The following KCNIP4 variants were observed in gnomAD, a reference collection of about 807,000 sequenced individuals.
KCNIP4 encodes the protein potassium voltage-gated channel interacting protein 4.
A neutral mutation model predicts 34.0 loss-of-function variants in KCNIP4; 12 were observed. The observed-to-expected ratio is 0.35, with a 90% CI of 0.23 to 0.57. The LOEUF (loss-of-function observed/expected upper bound fraction) is 0.57. KCNIP4 is among the 20% of genes least tolerant of loss of function. The pLI, the probability that KCNIP4 is intolerant of heterozygous loss-of-function variation, is 0.83. For missense variants in KCNIP4, 238 were observed against 311.7 expected, an observed-to-expected ratio of 0.76 and a Z score of 1.78; for synonymous variants, 124 against 102.2, an observed-to-expected ratio of 1.21 and a Z score of -1.29.
chr4:21,483,657 G>A (rs1731653060), intron 1 of KCNIP4, among the ~76,000 whole-genome samples: 2 of 152,046 alleles, frequency 1.3e-5, no homozygotes, highest in South Asian at 4.1e-4. Context: ...AGGTGTGGTG[G>A]CACGCACCTG....
At chr4:21,582,875 A>C (rs559143094) in intron 1 of KCNIP4, among the ~76,000 whole-genome samples, 18 of 152,018 alleles carry the variant, frequency 1.2e-4, no homozygotes, top group African/African-American at 2.2e-4. Context: ...TTTTGGGAAG[A>C]ATGAGAAGAA....
chr4:21,557,745 T>G (rs1480159447), intron 1 of KCNIP4, among the ~76,000 whole-genome samples: 1 of 152,128 alleles, frequency 6.6e-6, no homozygotes, highest in East Asian at 1.9e-4. Context: ...TTTTCCAATT[T>G]TAGACCCAAA....
intron 3 of KCNIP4, among the ~76,000 whole-genome samples, chr4:20,795,142 C>G (rs753293723): frequency 3.9e-5 from 6 of 152,098 alleles, no homozygotes; most frequent in Non-Finnish European, 8.8e-5. Context: ...TGATAATGTA[C>G]ACATGCTGAG....
intron 1 of KCNIP4, among the ~76,000 whole-genome samples, chr4:21,716,853 G>A (rs1323430262): frequency 6.6e-6 from 1 of 152,082 alleles, no homozygotes; most frequent in East Asian, 1.9e-4. Flanking sequence ...TGGGGTGACT[G>A]ACTATTAAGA....
intron 1 of KCNIP4, chr4:21,850,182 T>C (rs1350290616): frequency 2.0e-5 from 3 of 152,022 alleles, no homozygotes; most frequent in Non-Finnish European, 4.4e-5. Flanking sequence ...GTTTAGGACA[T>C]ATAAAATAAT....
chr4:20,896,934 A>AT (rs1185616329), intron 1 of KCNIP4, among the ~76,000 whole-genome samples: 104 of 146,522 alleles, frequency 7.1e-4, no homozygotes, highest in South Asian at 8.6e-4. Flanking sequence ...TAGTACTGGT[A>AT]TTTTTTTTTT....
At chr4:21,693,543 A>G (rs1711926094) in intron 1 of KCNIP4, among the ~76,000 whole-genome samples, 1 of 152,134 alleles carries the variant, frequency 6.6e-6, no homozygotes, top group Admixed American at 6.5e-5. Flanking sequence ...AGCCTGGGTG[A>G]TAGAGCAAGA....
At chr4:21,754,021 C>T (rs984078434) in intron 1 of KCNIP4, among the ~76,000 whole-genome samples, 1 of 152,154 alleles carries the variant, frequency 6.6e-6, no homozygotes, top group Non-Finnish European at 1.5e-5. Flanking sequence ...GATGCACCAA[C>T]GAATGAGACA....
chr4:20,911,773 T>A (rs1224312933), intron 1 of KCNIP4, among the ~76,000 whole-genome samples: 1 of 152,220 alleles, frequency 6.6e-6, no homozygotes, highest in Non-Finnish European at 1.5e-5. Flanking sequence ...TTCTAACATT[T>A]TTTATTCCAA....
At chr4:21,076,231 G>C (rs1425730549) in intron 1 of KCNIP4, among the ~76,000 whole-genome samples, 2 of 152,104 alleles carry the variant, frequency 1.3e-5, no homozygotes, top group Admixed American at 6.6e-5. Flanking sequence ...ATCCTGCAGA[G>C]TGTTTTCCAA....
intron 1 of KCNIP4, among the ~76,000 whole-genome samples, chr4:21,583,642 T>G (rs1477597340): frequency 6.6e-6 from 1 of 152,058 alleles, no homozygotes; most frequent in African/African-American, 2.4e-5. Flanking sequence ...TATAAATTTA[T>G]GTTTAAAGGG....
chr4:20,943,267 G>A (rs1731839323), intron 1 of KCNIP4, among the ~76,000 whole-genome samples: 1 of 152,284 alleles, frequency 6.6e-6, no homozygotes, highest in African/African-American at 2.4e-5. Flanking sequence ...CCAGGATAGT[G>A]GTTTGTGGAG....
At chr4:21,899,819 G>A (rs1460611595) in intron 1 of KCNIP4, among the ~76,000 whole-genome samples, 1 of 152,120 alleles carries the variant, frequency 6.6e-6, no homozygotes, top group Admixed American at 6.5e-5. Flanking sequence ...GATATCCCAT[G>A]TTCATGGATT....
At chr4:21,724,220 C>T (rs991859517) in intron 1 of KCNIP4, among the ~76,000 whole-genome samples, 1 of 151,628 alleles carries the variant, frequency 6.6e-6, no homozygotes, top group African/African-American at 2.4e-5. Flanking sequence ...TCCCTGAGAG[C>T]CAATGAGGTA....
intron 1 of KCNIP4, among the ~76,000 whole-genome samples, chr4:21,696,266 G>A (rs1336734848): frequency 9.9e-5 from 15 of 151,698 alleles, no homozygotes; most frequent in Middle Eastern, 6.8e-3. Context: ...GTTAATTATC[G>A]CCAAGACTTT....
chr4:21,881,291 T>C (rs893012120), intron 1 of KCNIP4, among the ~76,000 whole-genome samples: 1 of 152,160 alleles, frequency 6.6e-6, no homozygotes, highest in South Asian at 2.1e-4. Context: ...AAACGTGCTA[T>C]CATAATAGGG....
At chr4:20,991,608 G>A (rs1014280970) in intron 1 of KCNIP4, among the ~76,000 whole-genome samples, 5 of 152,178 alleles carry the variant, frequency 3.3e-5, no homozygotes, top group African/African-American at 1.2e-4. Context: ...GGAAAGGGCC[G>A]ATCAAGGGGC....
At chr4:21,186,037 A>G (rs1755199069) in intron 1 of KCNIP4, among the ~76,000 whole-genome samples, 3 of 152,308 alleles carry the variant, frequency 2.0e-5, no homozygotes, top group South Asian at 2.1e-4. Context: ...AATCTGAAAC[A>G]TAAATAACCT....
At chr4:21,664,063 A>G (rs1028700083) in intron 1 of KCNIP4, among the ~76,000 whole-genome samples, 1 of 152,030 alleles carries the variant, frequency 6.6e-6, no homozygotes, top group Non-Finnish European at 1.5e-5. Context: ...CTCTTGCCTC[A>G]GCCTCCTGAG....
Sources: gnomAD v4.1 joint callset for allele counts (sites outside exome capture counted in the v4.1 genomes callset) on GRCh38, gnomAD v4.1.1 for gene constraint, MANE v1.5 for transcripts, NCBI Gene and HGNC (gene_info 2026-07-23, HGNC 2026-07-21) for gene names.